Variants in UBXN4 observed in about 807,000 individuals in gnomAD.
UBXN4 encodes UBX domain protein 4.
In UBXN4, 35 loss-of-function variants were observed where a neutral mutation model predicts 66.2. The ratio of observed to expected loss-of-function variants is 0.53; its 90% confidence interval spans 0.40 to 0.70. The LOEUF (loss-of-function observed/expected upper bound fraction) is 0.70. Among genes scored for constraint, UBXN4 ranks in the 30% least tolerant of loss-of-function variants. The probability of loss-of-function intolerance (pLI) is 0.00; values close to 1 mark genes in which losing one functional copy is unlikely to be tolerated. For synonymous variants in UBXN4, 203 were observed against 204.5 expected (o/e 0.99, Z 0.06); for missense variants, 533 against 599.8 (o/e 0.89, Z 1.16).
chr2:135,770,646 G>A lies in UBXN4; in HGVS notation c.733G>A (p.Glu245Lys). Reference protein sequence around the residue: ...MLDYKRKQEEELTKRMLEERN... With the variant: ...MLDYKRKQEEKLTKRMLEERN... ...GGATTATAAAAGAAAACAAGAAGAA[G>A]AATTAACAAAAAGAATGCTGGAGGA... Residue 245 changes from glutamate to lysine, a missense_variant, in exon 8 of 13, where the codon GAA (glutamate) becomes AAA (lysine). This residue lies in a region of UBXN4 where 529 missense variants were observed against 580.1 expected (regional missense o/e 0.91). Coordinates refer to ENST00000272638, the MANE Select transcript of UBXN4 (RefSeq NM_014607.4). The A allele has an allele frequency of 1.3e-6, 2 of 1,574,110 alleles. No individual in the cohort carries two copies. Among genetic ancestry groups the A allele is most frequent in the Non-Finnish European group, 1.7e-6 (2 of 1,165,904 alleles).
intron 11 of UBXN4, 58 bp downstream of exon 11, chr2:135,779,137 T>C: frequency 1.3e-6 from 2 of 1,483,634 alleles, no homozygotes; most frequent in Non-Finnish European, 1.8e-6. Context: ...TATCATACTC[T>C]TCATTTCTTA....
chr2:135,750,683 TTAAGTA>T (rs1470789507), intron 2 of UBXN4, among the ~76,000 whole-genome samples: 1 of 151,036 alleles, frequency 6.6e-6, no homozygotes, highest in Non-Finnish European at 1.5e-5. Flanking sequence ...ATCTGTCAAT[TTAAGTA>T]TATCTTTTTT....
chr2:135,758,200 G>T (rs930819803), intron 5 of UBXN4, among the ~76,000 whole-genome samples: 6 of 151,856 alleles, frequency 4.0e-5, no homozygotes, highest in African/African-American at 1.2e-4. Flanking sequence ...TCAGCCTGCT[G>T]AGTAGCTGGG....
chr2:135,750,303 A>G (rs1252064987), intron 2 of UBXN4, among the ~76,000 whole-genome samples: 1 of 152,108 alleles, frequency 6.6e-6, no homozygotes, highest in African/African-American at 2.4e-5. Flanking sequence ...AGCACTTACA[A>G]AGTGGTATTC....
At chr2:135,781,995 G>A (rs2077453845) in intron 12 of UBXN4, among the ~76,000 whole-genome samples, 1 of 152,178 alleles carries the variant, frequency 6.6e-6, no homozygotes, top group Non-Finnish European at 1.5e-5. Context: ...GATTGTGTGA[G>A]CTCCAGAGTT....
In UBXN4 at chr2:135,748,374, GT is replaced by G; in HGVS notation, c.185+8del. 1 of 1,564,802 alleles carries G rather than the reference GT, an allele frequency of 6.4e-7. No homozygotes were observed. Among genetic ancestry groups the G allele is most frequent in the Non-Finnish European group, 8.6e-7 (1 of 1,158,228 alleles). On this transcript the variant is annotated splice_donor_region_variant and intron_variant, in intron 2 of 12. Coordinates refer to ENST00000272638, the MANE Select transcript of UBXN4 (RefSeq NM_014607.4). ...TATTAAAATCGATACCAAAAGGTTT[GT>G]TTATGTTTTAATATTTTATTAATTT...
rs917077587 is a variant in UBXN4, at chr2:135,765,436, C to T, written c.602+3525C>T. Among the ~76,000 whole-genome samples the T allele has an allele frequency of 2.0e-5, 3 of 151,938 alleles. No individual in the cohort carries two copies. The South Asian group carries it at 6.2e-4, about 31-fold the overall frequency. On this transcript the variant is annotated intron_variant, in intron 6 of 12. Transcript: ENST00000272638. ...ATGTTGGTCAAGCTGGTCTCGAACTCCTGACCTCAGGTGATCTGCCCGCCT... is the reference window on the plus strand; with the variant it reads ...ATGTTGGTCAAGCTGGTCTCGAACTTCTGACCTCAGGTGATCTGCCCGCCT...
intron 12 of UBXN4, among the ~76,000 whole-genome samples, chr2:135,781,318 A>G (rs2077447934): frequency 6.6e-6 from 1 of 152,228 alleles, no homozygotes; most frequent in Non-Finnish European, 1.5e-5. Flanking sequence ...CTTTGTTAAG[A>G]TTTTATATAC....
At chr2:135,751,100 G>A (rs1053572702) in intron 2 of UBXN4, among the ~76,000 whole-genome samples, 3 of 148,710 alleles carry the variant, frequency 2.0e-5, no homozygotes, top group Non-Finnish European at 4.4e-5. Flanking sequence ...TGATCCGCCC[G>A]CCTCAGCCTC....
chr2:135,775,256 A>C (rs1232477880), intron 9 of UBXN4, among the ~76,000 whole-genome samples: 3 of 152,252 alleles, frequency 2.0e-5, no homozygotes, highest in African/African-American at 7.2e-5. Flanking sequence ...AAAATGTTAA[A>C]CATAGTGTTA....
Position 135,748,343 on chromosome 2 carries a change from T to G in UBXN4, c.159T>G (p.Phe53Leu). ...DKVTEASSNS[F>L]VAIKIDTKSE... The stretch of plus-strand genomic sequence containing the variant: ...TTACAGAAGCATCTTCAAACAGTTT[T>G]GTTGCTATTAAAATCGATACCAAAA... The change falls in exon 2 of 13, where the codon TTT becomes TTG. Residue 53 changes from phenylalanine (F) to leucine (L), a missense_variant. Around this residue, in one of 2 missense-constraint regions of UBXN4, gnomAD observed 529 missense variants for 580.1 expected, o/e 0.91. Coordinates refer to ENST00000272638, the MANE Select transcript of UBXN4 (RefSeq NM_014607.4). 1 of 1,603,660 alleles carries G rather than the reference T, an allele frequency of 6.2e-7. No homozygotes were observed. Among genetic ancestry groups the G allele is most frequent in the Non-Finnish European group, 8.5e-7 (1 of 1,174,900 alleles).
intron 2 of UBXN4, among the ~76,000 whole-genome samples, chr2:135,749,129 C>G (rs1016655255): frequency 1.3e-5 from 2 of 152,100 alleles, no homozygotes; most frequent in African/African-American, 4.8e-5. Flanking sequence ...CTAAATTCAT[C>G]ATGAATCCTG....
chr2:135,751,514 G>A lies in UBXN4; in HGVS notation c.186-2025G>A, dbSNP rs2077241951. ...TAAAAACAAATTTCTATTAGCAGAT[G>A]CAGGGATACCTGCATATAGTGATGG... On this transcript the variant is annotated intron_variant, in intron 2 of 12. Transcript: ENST00000272638. Among the ~76,000 whole-genome samples the A allele has an allele frequency of 1.3e-5, 2 of 151,240 alleles. 1 individual carries two copies. The highest frequency in any genetic ancestry group is 4.2e-4 in the South Asian group (2 of 4,782).
intron 11 of UBXN4, 62 bp from the exon 12 acceptor site, chr2:135,780,121 C>T: frequency 6.5e-7 from 1 of 1,529,736 alleles, no homozygotes; most frequent in Admixed American, 1.8e-5. Flanking sequence ...TCATCTGGAA[C>T]CTTGGGCGTG....
intron 5 of UBXN4, among the ~76,000 whole-genome samples, chr2:135,761,243 T>C (rs1256932403): frequency 2.0e-5 from 3 of 152,094 alleles, no homozygotes; most frequent in African/African-American, 7.2e-5. Context: ...TTTCAGGAAA[T>C]CCTTCAAAGA....
At chr2:135,764,650 G>C (rs1250195565) in intron 6 of UBXN4, among the ~76,000 whole-genome samples, 1 of 151,856 alleles carries the variant, frequency 6.6e-6, no homozygotes, top group Admixed American at 6.6e-5. Flanking sequence ...TTACAGGCAT[G>C]CACCACCACA....
intron 1 of UBXN4, chr2:135,742,512 C>T (rs1447173443): frequency 2.6e-5 from 4 of 153,510 alleles, no homozygotes; most frequent in African/African-American, 9.6e-5. Flanking sequence ...CCCCGCGACC[C>T]TCTCCCTGAC....
At chr2:135,761,268 A>C (rs1166965590) in intron 5 of UBXN4, among the ~76,000 whole-genome samples, 8 of 152,212 alleles carry the variant, frequency 5.3e-5, no homozygotes, top group African/African-American at 1.7e-4. Context: ...TAGCATAAAG[A>C]GGCTCTCTAA....
Position 135,783,104 on chromosome 2 carries a change from G to A in UBXN4, c.*217G>A. ...GGTCCTTGCTTATATGGCAACCACT[G>A]CTAGAACCCTAAAAGAACCAAAAAT... On this transcript the variant is annotated 3_prime_UTR_variant, in exon 13 of 13. Transcript: ENST00000272638. 2 of 412,328 alleles carry A rather than the reference G, an allele frequency of 4.9e-6. No homozygotes were observed. Among genetic ancestry groups the A allele is most frequent in the South Asian group, 5.9e-5 (1 of 16,900 alleles). 25.5% of individuals were successfully genotyped at this position (412,328 alleles called of 1,614,324 possible). A position where few individuals can be genotyped will look rare whatever the true frequency, so the allele number is the denominator to read the frequency against.
Sources: gnomAD v4.1 joint callset for allele counts (sites outside exome capture counted in the v4.1 genomes callset) on GRCh38, gnomAD v4.1.1 for gene constraint, gnomAD v4.1.1 regional missense constraint, MANE v1.5 for transcripts, NCBI Gene and HGNC (gene_info 2026-07-23, HGNC 2026-07-21) for gene names.